Variants in SYT17 observed in about 807,000 individuals in gnomAD.
SYT17 encodes the protein synaptotagmin-17.
A neutral mutation model predicts 46.7 loss-of-function variants in SYT17; 22 were observed. The ratio of observed to expected loss-of-function variants is 0.47; its 90% confidence interval spans 0.34 to 0.67. SYT17 has a LOEUF of 0.67. SYT17 is among the 30% of genes least tolerant of loss of function. SYT17 has a pLI of 0.01. For synonymous variants in SYT17, 251 were observed against 248.4 expected (o/e 1.01, Z -0.10); for missense variants, 519 against 612.8 (o/e 0.85, Z 1.62).
At chr16:19,222,972 C>T in intron 5 of SYT17, 73 bp from the exon 6 acceptor site, 1 of 1,587,880 alleles carries the variant, frequency 6.3e-7, no homozygotes, top group Non-Finnish European at 8.6e-7. Context: ...CTGCTGCAAT[C>T]AATTTCTTGT....
At chr16:19,225,120 C>T (rs1012828503) in intron 7 of SYT17, among the ~76,000 whole-genome samples, 14 of 152,162 alleles carry the variant, frequency 9.2e-5, no homozygotes, top group African/African-American at 3.4e-4. Context: ...TCAGTTTCCT[C>T]ATCTACAAAA....
rs1966454610 is a variant in SYT17, at chr16:19,225,045, C to G, written c.1228+207C>G. 2.0e-5 allele frequency among the ~76,000 whole-genome samples: 3 copies of G among 152,156 alleles called. No homozygotes were observed. The South Asian group carries it at 6.2e-4, about 31-fold the overall frequency. On this transcript the variant is annotated intron_variant, in intron 7 of 7. Coordinates refer to ENST00000355377, the MANE Select transcript of SYT17 (RefSeq NM_016524.4). ...AATTGTTAGAAATGTGGACTTGAGC[C>G]AAATTTCCTCAGACTGCCACATAAT...
At chr16:19,229,171 T>C (rs2142896854) in intron 7 of SYT17, among the ~76,000 whole-genome samples, 1 of 152,338 alleles carries the variant, frequency 6.6e-6, no homozygotes, top group Admixed American at 6.5e-5. Flanking sequence ...GGGCTTTTAC[T>C]GGATGTTGGG....
chr16:19,244,193 A>G (rs895554717), intron 7 of SYT17, among the ~76,000 whole-genome samples: 2 of 152,206 alleles, frequency 1.3e-5, no homozygotes, highest in Non-Finnish European at 2.9e-5. Flanking sequence ...TTTTACAGGG[A>G]AAGAAACTGA....
chr16:19,186,296 G>T (rs1260681626), intron 5 of SYT17, among the ~76,000 whole-genome samples: 4 of 151,072 alleles, frequency 2.6e-5, no homozygotes, highest in African/African-American at 9.8e-5. Context: ...GGGCAACATA[G>T]TGACACCCTA....
At chr16:19,203,319 C>T (rs1431872650) in intron 5 of SYT17, among the ~76,000 whole-genome samples, 8 of 140,792 alleles carry the variant, frequency 5.7e-5, no homozygotes, top group East Asian at 2.0e-4. Context: ...GGTGAAACCC[C>T]GTCTCTACTA....
At chr16:19,189,063 A>G (rs1964906569) in intron 5 of SYT17, among the ~76,000 whole-genome samples, 1 of 151,676 alleles carries the variant, frequency 6.6e-6, no homozygotes, top group Admixed American at 6.6e-5. Context: ...ATTTTTCGTA[A>G]TTTTAGTAGA....
chr16:19,232,343 C>T (rs1410755759), intron 7 of SYT17, among the ~76,000 whole-genome samples: 2 of 152,184 alleles, frequency 1.3e-5, no homozygotes, highest in Non-Finnish European at 2.9e-5. Context: ...GCATCTGCGT[C>T]GCCCAGGGAT....
chr16:19,172,305 C>T, intron 1 of SYT17: 1 of 1,306,616 alleles, frequency 7.7e-7, no homozygotes, highest in South Asian at 2.4e-5. Context: ...GGTAGGGCCT[C>T]CGGGAGGGCG....
At chr16:19,199,439 C>T (rs1169165924) in intron 5 of SYT17, among the ~76,000 whole-genome samples, 1 of 152,018 alleles carries the variant, frequency 6.6e-6, no homozygotes, top group African/African-American at 2.4e-5. Context: ...CAGTCATGGC[C>T]CTCAATATCT....
At chr16:19,235,862 G>A (rs1208089509) in intron 7 of SYT17, among the ~76,000 whole-genome samples, 6 of 152,138 alleles carry the variant, frequency 3.9e-5, no homozygotes, top group African/African-American at 7.2e-5. Flanking sequence ...TAGTGGGCTC[G>A]AAGACAGATC....
chr16:19,244,144 G>A (rs150281459), intron 7 of SYT17, among the ~76,000 whole-genome samples: 1 of 152,000 alleles, frequency 6.6e-6, no homozygotes, highest in African/African-American at 2.4e-5. Flanking sequence ...TCAACTCATC[G>A]CACAACAACC....
intron 5 of SYT17, among the ~76,000 whole-genome samples, chr16:19,197,940 A>G (rs1294675613): frequency 1.3e-5 from 2 of 152,120 alleles, no homozygotes; most frequent in Non-Finnish European, 2.9e-5. Context: ...AGGCGATCTC[A>G]TGATAGCTAA....
chr16:19,209,846 C>T (rs1038484306), intron 5 of SYT17, among the ~76,000 whole-genome samples: 1 of 151,912 alleles, frequency 6.6e-6, no homozygotes, highest in Non-Finnish European at 1.5e-5. Context: ...CCACTGCACT[C>T]CAGCCTGGGA....
intron 5 of SYT17, among the ~76,000 whole-genome samples, chr16:19,184,359 G>A (rs1031410468): frequency 1.2e-4 from 18 of 151,638 alleles, no homozygotes; most frequent in African/African-American, 4.4e-4. Flanking sequence ...GGAAATAGAT[G>A]TTGGTAACTA....
At position 19,267,218 on chromosome 16, in the gene SYT17, C is replaced by G; in HGVS notation, c.*142C>G. On this transcript the variant is annotated 3_prime_UTR_variant, in exon 8 of 8. Coordinates refer to ENST00000355377, the MANE Select transcript of SYT17 (RefSeq NM_016524.4). ...GTCCACACACACAGACACACAGATA[C>G]CCCAAATCCTCTCAGAACTGAGAGG... The G allele has an allele frequency of 2.7e-6, 2 of 734,948 alleles. No individual in the cohort carries two copies. Among genetic ancestry groups the G allele is most frequent in the South Asian group, 2.3e-5 (1 of 43,876 alleles). 45.5% of individuals were successfully genotyped at this position (734,948 alleles called of 1,614,324 possible). A position where few individuals can be genotyped will look rare whatever the true frequency, so the allele number is the denominator to read the frequency against.
intron 7 of SYT17, among the ~76,000 whole-genome samples, chr16:19,239,964 G>A (rs1018070980): frequency 5.9e-5 from 9 of 152,222 alleles, no homozygotes; most frequent in African/African-American, 9.6e-5. Flanking sequence ...GCGAGGCTGC[G>A]GCTGGACCAG....
chr16:19,234,402 A>G (rs910859880), intron 7 of SYT17, among the ~76,000 whole-genome samples: 1 of 152,134 alleles, frequency 6.6e-6, no homozygotes, highest in Non-Finnish European at 1.5e-5. Flanking sequence ...TATTCTTTTG[A>G]TGGATCTCAG....
chr16:19,172,817 C>G (rs761458683), intron 2 of SYT17, 40 bp downstream of exon 2: 2 of 1,612,838 alleles, frequency 1.2e-6, no homozygotes, highest in Non-Finnish European at 8.5e-7. Flanking sequence ...GGTTTCTAAT[C>G]AAGAAATGCC....
Sources: allele counts gnomAD v4.1 joint callset (sites outside exome capture counted in the v4.1 genomes callset), GRCh38; gene constraint gnomAD v4.1.1; transcripts MANE v1.5; gene names NCBI Gene and HGNC (gene_info 2026-07-23, HGNC 2026-07-21).